The following DLC1 variants were observed in gnomAD, a reference collection of about 807,000 sequenced individuals.
DLC1 encodes the protein rho GTPase-activating protein 7.
DLC1 carries 54 observed loss-of-function variants against 140.3 expected under a neutral mutation model. The ratio of observed to expected loss-of-function variants is 0.38; its 90% CI spans 0.31 to 0.48. DLC1 has a LOEUF of 0.48. Ranked by LOEUF, DLC1 falls within the 20% of genes least tolerant of loss-of-function variation. DLC1 has a pLI of 0.96. For missense variants in DLC1, 2,536 were observed against 1,907.0 expected (o/e 1.33, Z -6.14); for synonymous variants, 986 against 728.1 (o/e 1.35, Z -5.70).
chr8:13,261,991 C>A (rs1371674688), intron 5 of DLC1, among the ~76,000 whole-genome samples: 1 of 152,062 alleles, frequency 6.6e-6, no homozygotes, highest in Non-Finnish European at 1.5e-5. Context: ...GAAGTTGAGG[C>A]AAAATGTCAA....
At chr8:13,128,895 C>A (rs1203972762) in intron 5 of DLC1, among the ~76,000 whole-genome samples, 3 of 151,836 alleles carry the variant, frequency 2.0e-5, no homozygotes, top group African/African-American at 7.3e-5. Flanking sequence ...TCTTCCTGTT[C>A]TCCATTAATT....
At chr8:13,224,702 T>A (rs1324096470) in intron 5 of DLC1, among the ~76,000 whole-genome samples, 1 of 152,108 alleles carries the variant, frequency 6.6e-6, no homozygotes, top group Non-Finnish European at 1.5e-5. Flanking sequence ...ATACTTCCCC[T>A]CTCCTCAGTA....
chr8:13,153,045 C>T (rs1823949992), intron 5 of DLC1, among the ~76,000 whole-genome samples: 1 of 152,162 alleles, frequency 6.6e-6, no homozygotes, highest in East Asian at 1.9e-4. Context: ...CTATGCTCTT[C>T]CTTAAAATTT....
intron 4 of DLC1, among the ~76,000 whole-genome samples, chr8:13,343,581 A>G (rs528210353): frequency 5.4e-4 from 82 of 152,278 alleles, no homozygotes; most frequent in African/African-American, 1.9e-3. Context: ...TGTACAGCAG[A>G]TATTGTTGTT....
chr8:13,600,315 A>G (rs1261126521), intron 1 of DLC1, among the ~76,000 whole-genome samples: 1 of 151,886 alleles, frequency 6.6e-6, no homozygotes, highest in Admixed American at 6.6e-5. Flanking sequence ...GTAAGAAGAG[A>G]CCAGTTAATG....
intron 1 of DLC1, chr8:13,558,119 C>T (rs1017639302): frequency 6.6e-6 from 1 of 152,218 alleles, no homozygotes; most frequent in African/African-American, 2.4e-5. Context: ...AAACTGGTTT[C>T]ATGTTCCAAT....
At chr8:13,542,985 C>G (rs546924617) in intron 1 of DLC1, among the ~76,000 whole-genome samples, 1 of 151,926 alleles carries the variant, frequency 6.6e-6, no homozygotes, top group Non-Finnish European at 1.5e-5. Context: ...GATTTGTCTT[C>G]TTTTTATCAC....
At position 13,338,281 on chromosome 8, in the gene DLC1, AAATT is replaced by A. The variant is rs1833889770; in HGVS notation, c.1315-32983_1315-32980del. On this transcript the variant is annotated intron_variant, in intron 4 of 17. Coordinates refer to ENST00000276297, the MANE Select transcript of DLC1 (RefSeq NM_182643.3). ...ATTTACGTTACAGGTGGTTAAAAAT[AAATT>A]AGAGTCACAAAGCCATGGTTCGAAA... Among the ~76,000 whole-genome samples the A allele has an allele frequency of 3.9e-5, 6 of 152,182 alleles. No homozygotes were observed. In the South Asian group the frequency reaches 1.2e-3, roughly 32 times the overall value.
rs749212109 is a variant in DLC1 at position 13,499,387 on chromosome 8, C to A, written c.685G>T (p.Ala229Ser). 1 of 1,613,810 alleles carries A rather than the reference C, an allele frequency of 6.2e-7. No homozygotes were observed. Among genetic ancestry groups the A allele is most frequent in the East Asian group, 2.2e-5 (1 of 44,878 alleles). ...IAPEKQLLNS[A>S]VIAQQRRKPD... is the part of the protein sequence containing the mutation. ...TTCCTTCGTTGCTGAGCAATTACAG[C>A]AGAGTTAAGCAATTGTTTCTCAGGT... Residue 229 changes from alanine (A) to serine (S), a missense_variant, in exon 2 of 18, where the codon GCT becomes TCT. Physicochemically the swap from Ala to Ser is moderately conservative, Grantham distance 99 (BLOSUM62 1). Coordinates refer to ENST00000276297, the MANE Select transcript of DLC1 (RefSeq NM_182643.3).
intron 5 of DLC1, among the ~76,000 whole-genome samples, chr8:13,134,556 TAGG>T (rs1296709537): frequency 1.3e-5 from 2 of 152,214 alleles, no homozygotes; most frequent in Non-Finnish European, 2.9e-5. Flanking sequence ...CAAATACAAA[TAGG>T]AGAATTTAGT....
chr8:13,350,418 A>G (rs1219231949), intron 4 of DLC1, among the ~76,000 whole-genome samples: 2 of 152,088 alleles, frequency 1.3e-5, no homozygotes, highest in African/African-American at 2.4e-5. Context: ...AGTGCTAAGT[A>G]TAAAGAAAAA....
intron 4 of DLC1, among the ~76,000 whole-genome samples, chr8:13,382,420 TGG>T (rs1260824978): frequency 7.5e-6 from 1 of 133,470 alleles, no homozygotes; most frequent in Non-Finnish European, 1.5e-5. Context: ...GGCAGGAGAA[TGG>T]CGTGAACCCC....
chr8:13,389,784 C>T (rs929111123), intron 4 of DLC1, among the ~76,000 whole-genome samples: 9 of 152,044 alleles, frequency 5.9e-5, no homozygotes, highest in Admixed American at 2.0e-4. Flanking sequence ...ACTGTGGTCA[C>T]TACTATAAAT....
chr8:13,190,143 G>C lies in DLC1; in HGVS notation c.1349-74486C>G, dbSNP rs796657524. On this transcript the variant is annotated intron_variant, in intron 5 of 17. Coordinates refer to ENST00000276297, the MANE Select transcript of DLC1 (RefSeq NM_182643.3). ...CATTTTGGCAGGTAAACGATGTAAAGACTAACAAAGTATTTTACATTGTTT... is the reference window on the plus strand; with the variant it reads ...CATTTTGGCAGGTAAACGATGTAAACACTAACAAAGTATTTTACATTGTTT... Among the ~76,000 whole-genome samples, 9 of 152,270 alleles carry C rather than the reference G, an allele frequency of 5.9e-5. 1 individual carries two copies. Among genetic ancestry groups the C allele is most frequent in the African/African-American group, 2.2e-4 (9 of 41,556 alleles).
At chr8:13,112,703 T>C (rs1563623025) in intron 6 of DLC1, among the ~76,000 whole-genome samples, 1 of 152,184 alleles carries the variant, frequency 6.6e-6, no homozygotes, top group Non-Finnish European at 1.5e-5. Context: ...TTTTGCTTTT[T>C]TTTGTTTGTT....
At chr8:13,126,851 C>G (rs562547688) in intron 5 of DLC1, among the ~76,000 whole-genome samples, 1 of 152,174 alleles carries the variant, frequency 6.6e-6, no homozygotes, top group East Asian at 1.9e-4. Context: ...AATTGCAACA[C>G]TGTAAAACCT....
intron 1 of DLC1, chr8:13,568,142 A>G (rs1055790909): frequency 6.3e-6 from 4 of 636,184 alleles, no homozygotes. Flanking sequence ...AAATTCCAAG[A>G]GAACTATGTT....
At chr8:13,350,810 G>A (rs1169921952) in intron 4 of DLC1, among the ~76,000 whole-genome samples, 1 of 152,166 alleles carries the variant, frequency 6.6e-6, no homozygotes, top group Non-Finnish European at 1.5e-5. Flanking sequence ...CTTGGAAGGT[G>A]GTAGCCTTTA....
intron 2 of DLC1, among the ~76,000 whole-genome samples, chr8:13,405,720 T>C (rs939139380): frequency 2.6e-5 from 4 of 152,116 alleles, no homozygotes; most frequent in Non-Finnish European, 5.9e-5. Flanking sequence ...ACAGAAACTG[T>C]GTTTTGAAAG....
Sources: gnomAD v4.1 joint callset for allele counts (sites outside exome capture counted in the v4.1 genomes callset) on GRCh38, gnomAD v4.1.1 for gene constraint, MANE v1.5 for transcripts, NCBI Gene and HGNC (gene_info 2026-07-23, HGNC 2026-07-21) for gene names.